HCRTR2: variants seen among roughly 807,000 people sequenced by gnomAD.
HCRTR2 encodes the protein orexin receptor type 2.
In HCRTR2, 22 loss-of-function variants were observed where a neutral mutation model predicts 49.0. That is an observed-to-expected ratio of 0.45 (90% CI 0.32 to 0.64). HCRTR2 has a LOEUF of 0.64. Ranked by LOEUF, HCRTR2 falls within the 30% of genes least tolerant of loss-of-function variation. The probability of loss-of-function intolerance (pLI) is 0.04; values close to 1 mark genes in which losing one functional copy is unlikely to be tolerated. For missense variants in HCRTR2, 491 were observed against 559.4 expected (o/e 0.88, Z 1.23); for synonymous variants, 236 against 205.3 (o/e 1.15, Z -1.28).
chr6:55,136,038 C>T (rs1764429327), intron 1 of HCRTR2, among the ~76,000 whole-genome samples: 1 of 152,074 alleles, frequency 6.6e-6, no homozygotes, highest in Non-Finnish European at 1.5e-5. Context: ...AAGGAAATAT[C>T]TAATTAGTGC....
rs777303200 is a variant in HCRTR2, at chr6:55,280,311, C to A, written c.984-12C>A. On this transcript the variant is annotated splice_polypyrimidine_tract_variant and intron_variant, in intron 5 of 6. Transcript: ENST00000370862. ...TTTAAAAGACACTTTTCTGTTGTTT[C>A]TTTTCCTGCAGAGTATTTGGGATGT... 1.3e-6 allele frequency: 2 copies of A among 1,549,938 alleles called. No individual in the cohort carries two copies. The highest frequency in any genetic ancestry group is 1.7e-4 in the Middle Eastern group (1 of 5,932).
chr6:55,141,728 C>T (rs562940687), intron 1 of HCRTR2, among the ~76,000 whole-genome samples: 1 of 152,086 alleles, frequency 6.6e-6, no homozygotes, highest in East Asian at 1.9e-4. Context: ...AACAATACAA[C>T]TGGACAGAAT....
chr6:55,219,404 T>G (rs1424529864), intron 1 of HCRTR2, among the ~76,000 whole-genome samples: 1 of 152,178 alleles, frequency 6.6e-6, no homozygotes, highest in African/African-American at 2.4e-5. Flanking sequence ...AACTGGCAAT[T>G]TCACCAATAT....
At chr6:55,188,169 C>T (rs1765257615) in intron 1 of HCRTR2, among the ~76,000 whole-genome samples, 1 of 152,146 alleles carries the variant, frequency 6.6e-6, no homozygotes, top group Non-Finnish European at 1.5e-5. Flanking sequence ...AAAATATGAC[C>T]TGTGGGATTT....
rs373790534 is a variant in HCRTR2, at chr6:55,282,371, T to C, written c.1252T>C (p.Ser418Pro). 5.6e-6 allele frequency: 9 copies of C among 1,613,532 alleles called. No individual in the cohort carries two copies. In the East Asian group the frequency reaches 1.6e-4, roughly 28 times the overall value. ...TTQISNFDNI[S>P]KLSEQVVLTS... ...TCAAATCAGCAACTTTGATAACATA[T>C]CAAAACTTTCTGAGCAAGTTGTGCT... is the stretch of plus-strand genomic sequence containing the variant. Residue 418 changes from serine to proline, a missense_variant, in exon 7 of 7, where the codon TCA (serine) becomes CCA (proline). Physicochemically the swap from Ser to Pro is moderately conservative, Grantham distance 74 (BLOSUM62 -1). Coordinates refer to ENST00000370862, the MANE Select transcript of HCRTR2 (RefSeq NM_001384272.1).
At chr6:55,157,803 A>G (rs1218240222) in intron 1 of HCRTR2, among the ~76,000 whole-genome samples, 1 of 152,248 alleles carries the variant, frequency 6.6e-6, no homozygotes, top group East Asian at 1.9e-4. Flanking sequence ...CCAAAGCATT[A>G]TTAGTTTTCA....
chr6:55,264,125 T>A (rs1487225691), intron 4 of HCRTR2, among the ~76,000 whole-genome samples: 1 of 152,072 alleles, frequency 6.6e-6, no homozygotes, highest in Non-Finnish European at 1.5e-5. Flanking sequence ...TGATTAATTG[T>A]CTTTTGTCTA....
intron 1 of HCRTR2, among the ~76,000 whole-genome samples, chr6:55,180,904 A>G (rs1341021099): frequency 6.7e-6 from 1 of 149,662 alleles, no homozygotes; most frequent in East Asian, 2.0e-4. Context: ...GCTTCAAGCT[A>G]TTTTCCTGCC....
chr6:55,202,522 C>T (rs1765528994), intron 1 of HCRTR2, among the ~76,000 whole-genome samples: 1 of 152,128 alleles, frequency 6.6e-6, no homozygotes. Context: ...TTGTTTCCAA[C>T]TGTTTTGGAG....
upstream of HCRTR2, among the ~76,000 whole-genome samples, chr6:55,173,843 C>T (rs890274734): frequency 1.3e-5 from 2 of 152,104 alleles, no homozygotes; most frequent in African/African-American, 2.4e-5. Context: ...AAAGTGAAGA[C>T]GGAGATGTCT....
intron 1 of HCRTR2, among the ~76,000 whole-genome samples, chr6:55,181,632 T>C (rs1765135903): frequency 6.6e-6 from 1 of 152,196 alleles, no homozygotes; most frequent in Admixed American, 6.5e-5. Context: ...GTAGGTCTTT[T>C]TTAATGAAAA....
At chr6:55,132,227 T>G (rs1490019477) in intron 1 of HCRTR2, among the ~76,000 whole-genome samples, 1 of 151,886 alleles carries the variant, frequency 6.6e-6, no homozygotes, top group Non-Finnish European at 1.5e-5. Context: ...GTTGTCATAA[T>G]AAAAGTAAAT....
rs187875396 is a variant in HCRTR2 at position 55,265,850 on chromosome 6, C to T, written c.762+2028C>T. ...TTAACTTTAAAATGGGGTTGTATAGCATCTTCCTCATAGGTTTGGTACATG... is the reference window on the plus strand; with the variant it reads ...TTAACTTTAAAATGGGGTTGTATAGTATCTTCCTCATAGGTTTGGTACATG... On this transcript the variant is annotated intron_variant, in intron 4 of 6. Transcript: ENST00000370862. Among the ~76,000 whole-genome samples, 343 of 152,182 alleles carry T rather than the reference C, an allele frequency of 2.3e-3. 1 individual carries two copies. Among genetic ancestry groups the T allele is most frequent in the African/African-American group, 7.7e-3 (319 of 41,556 alleles).
intron 1 of HCRTR2, among the ~76,000 whole-genome samples, chr6:55,180,452 A>G (rs1207385577): frequency 1.3e-5 from 2 of 152,346 alleles, no homozygotes; most frequent in Admixed American, 6.5e-5. Flanking sequence ...GATAGACTAC[A>G]GTTCTTCAGC....
chr6:55,229,154 C>G (rs1481844755), intron 1 of HCRTR2, among the ~76,000 whole-genome samples: 1 of 152,150 alleles, frequency 6.6e-6, no homozygotes, highest in Non-Finnish European at 1.5e-5. Flanking sequence ...AATTGGAACT[C>G]CTGTATATGC....
intron 3 of HCRTR2, 97 bp from the exon 4 acceptor site, chr6:55,263,610 G>C (rs1245598201): frequency 1.5e-5 from 11 of 711,806 alleles, no homozygotes; most frequent in Non-Finnish European, 2.8e-5. Context: ...TCATATAAAA[G>C]GTAAATATGC....
At chr6:55,278,138 G>C (rs1459594944) in intron 5 of HCRTR2, among the ~76,000 whole-genome samples, 1 of 152,116 alleles carries the variant, frequency 6.6e-6, no homozygotes, top group Admixed American at 6.5e-5. Context: ...ATTTCCTGAA[G>C]TCACTGAATG....
chr6:55,218,120 C>T (rs780356125), intron 1 of HCRTR2, among the ~76,000 whole-genome samples: 7 of 152,148 alleles, frequency 4.6e-5, no homozygotes, highest in African/African-American at 9.7e-5. Flanking sequence ...CCACTCTTGA[C>T]GACTATCCTA....
chr6:55,160,118 A>T (rs1764785885), intron 1 of HCRTR2, among the ~76,000 whole-genome samples: 1 of 152,232 alleles, frequency 6.6e-6, no homozygotes, highest in East Asian at 1.9e-4. Flanking sequence ...AGGGAAGCCC[A>T]TCAGACTAAC....
Sources: gnomAD v4.1 joint callset for allele counts (sites outside exome capture counted in the v4.1 genomes callset) on GRCh38, gnomAD v4.1.1 for gene constraint, MANE v1.5 for transcripts, NCBI Gene and HGNC (gene_info 2026-07-23, HGNC 2026-07-21) for gene names.